PTPN13: variants seen among roughly 807,000 people sequenced by gnomAD.
The protein encoded by PTPN13 is tyrosine-protein phosphatase non-receptor type 13.
A neutral mutation model predicts 284.0 loss-of-function variants in PTPN13; 191 were observed. That is an observed-to-expected ratio of 0.67 (90% confidence interval 0.60 to 0.76). PTPN13 has a LOEUF of 0.76. Ranked by LOEUF, PTPN13 falls within the 30% of genes least tolerant of loss-of-function variation. The pLI is 0.00. For synonymous variants in PTPN13, 986 were observed against 1,022.3 expected (o/e 0.96, Z 0.68); for missense variants, 2,797 against 2,939.9 (o/e 0.95, Z 1.12).
At chr4:86,602,467 A>T (rs1439829071) in intron 1 of PTPN13, among the ~76,000 whole-genome samples, 2 of 149,578 alleles carry the variant, frequency 1.3e-5, no homozygotes, top group African/African-American at 4.9e-5. Flanking sequence ...TAGTATACTT[A>T]TATTTGATTT....
chr4:86,739,816 G>A (rs1197717422), intron 15 of PTPN13, among the ~76,000 whole-genome samples: 1 of 152,172 alleles, frequency 6.6e-6, no homozygotes, highest in Non-Finnish European at 1.5e-5. Flanking sequence ...GTACAATGGG[G>A]GTTACAGGCA....
chr4:86,597,814 C>A (rs946419259), intron 1 of PTPN13, among the ~76,000 whole-genome samples: 1 of 151,620 alleles, frequency 6.6e-6, no homozygotes, highest in Non-Finnish European at 1.5e-5. Context: ...TAGATTTAAA[C>A]CATAAACTTC....
chr4:86,810,459 A>ATT (rs1554352616), intron 46 of PTPN13, among the ~76,000 whole-genome samples: 2 of 151,850 alleles, frequency 1.3e-5, no homozygotes, highest in Admixed American at 6.6e-5. Flanking sequence ...TACATAAAAA[A>ATT]ATTACTATAA....
At chr4:86,673,715 T>C (rs1727962140) in intron 3 of PTPN13, among the ~76,000 whole-genome samples, 1 of 152,198 alleles carries the variant, frequency 6.6e-6, no homozygotes, top group South Asian at 2.1e-4. Context: ...GTTGTTGTTT[T>C]GTTTTGTTTT....
intron 6 of PTPN13, among the ~76,000 whole-genome samples, chr4:86,696,792 T>C (rs981657251): frequency 5.3e-5 from 8 of 152,022 alleles, no homozygotes; most frequent in African/African-American, 1.7e-4. Context: ...AATTAGTCAC[T>C]CAGGATTAAC....
At chr4:86,667,651 A>G (rs541871373) in intron 2 of PTPN13, among the ~76,000 whole-genome samples, 44 of 152,330 alleles carry the variant, frequency 2.9e-4, no homozygotes, top group African/African-American at 9.9e-4. Flanking sequence ...TTTTTAGGGA[A>G]TTCCATATTA....
intron 6 of PTPN13, among the ~76,000 whole-genome samples, chr4:86,696,236 G>A (rs1198220335): frequency 1.3e-5 from 2 of 151,868 alleles, no homozygotes. Context: ...TAGATGCTGG[G>A]GATAGGGAAA....
chr4:86,701,751 G>A lies in PTPN13; in HGVS notation c.1145G>A (p.Arg382Gln), dbSNP rs948141302. The change falls in exon 7 of 48, where the codon CGA becomes CAA. Residue 382 changes from arginine (R) to glutamine (Q), a missense_variant. Coordinates refer to ENST00000411767, the MANE Select transcript of PTPN13 (RefSeq NM_080683.3). Reference sequence around the variant, plus strand: ...ATATCAAGTGCTTTGGACCGAATCCGAGAGAGACAAAAGAAACTTCAGGTT... The same window carrying A: ...ATATCAAGTGCTTTGGACCGAATCCAAGAGAGACAAAAGAAACTTCAGGTT... ...SAISSALDRIRERQKKLQVLR... is the reference protein window; with the variant it reads ...SAISSALDRIQERQKKLQVLR... 2.0e-5 allele frequency: 32 copies of A among 1,613,310 alleles called. No homozygotes were observed. The highest frequency in any genetic ancestry group is 5.0e-5 in the Admixed American group (3 of 59,936).
intron 1 of PTPN13, among the ~76,000 whole-genome samples, chr4:86,595,355 A>G (rs536011586): frequency 5.3e-4 from 80 of 151,970 alleles, no homozygotes; most frequent in African/African-American, 1.9e-3. Flanking sequence ...TCTGCTTGCT[A>G]AAGTTAACAC....
At chr4:86,783,321 T>G (rs1254854141) in intron 37 of PTPN13, among the ~76,000 whole-genome samples, 1 of 152,180 alleles carries the variant, frequency 6.6e-6, no homozygotes, top group African/African-American at 2.4e-5. Flanking sequence ...TATTCTCTGT[T>G]TATTCAGAAT....
chr4:86,787,448 C>T (rs1278759419), intron 40 of PTPN13, among the ~76,000 whole-genome samples: 2 of 151,964 alleles, frequency 1.3e-5, no homozygotes, highest in Admixed American at 6.6e-5. Context: ...CAAAATTAGC[C>T]GGGCAAGGTG....
intron 3 of PTPN13, among the ~76,000 whole-genome samples, chr4:86,684,100 TA>T (rs3971792): frequency 0.014 from 1,991 of 137,670 alleles, 8 homozygotes; most frequent in Non-Finnish European, 0.018. Context: ...TAAGATATGT[TA>T]AAAAAAAAAA....
At chr4:86,631,957 A>G (rs1473696300) in intron 1 of PTPN13, among the ~76,000 whole-genome samples, 1 of 152,174 alleles carries the variant, frequency 6.6e-6, no homozygotes, top group Non-Finnish European at 1.5e-5. Context: ...ATATGTGTGT[A>G]TGTATGTATA....
At chr4:86,709,096 C>T (rs1321875955) in intron 7 of PTPN13, among the ~76,000 whole-genome samples, 1 of 152,008 alleles carries the variant, frequency 6.6e-6, no homozygotes, top group Non-Finnish European at 1.5e-5. Context: ...CAAACACACA[C>T]TTGTGTGGAT....
rs1763410126 is a variant in PTPN13 at position 86,594,617 on chromosome 4, C to T, written c.-178C>T. On this transcript the variant is annotated 5_prime_UTR_variant, in exon 1 of 48. Transcript: ENST00000411767. ...AGGAGGAGATGCTGCTCCTCTTCTC[C>T]CCCTCCCCAGGCTCCTTCTACAGCT... 1 of 152,180 alleles carries T rather than the reference C, an allele frequency of 6.6e-6. No homozygotes were observed. Among genetic ancestry groups the T allele is most frequent in the Non-Finnish European group, 1.5e-5 (1 of 68,070 alleles). The allele number at this position is 152,180 out of a possible 1,614,324, so 9.4% of individuals were successfully genotyped here. A position where few individuals can be genotyped will look rare whatever the true frequency, so the allele number is the denominator to read the frequency against.
At chr4:86,599,038 G>T (rs962763564) in intron 1 of PTPN13, among the ~76,000 whole-genome samples, 2 of 152,158 alleles carry the variant, frequency 1.3e-5, no homozygotes, top group Non-Finnish European at 2.9e-5. Context: ...GGGGATTACA[G>T]ATGTGAGCCA....
At chr4:86,669,926 C>T (rs777946015) in intron 2 of PTPN13, among the ~76,000 whole-genome samples, 18 of 151,886 alleles carry the variant, frequency 1.2e-4, no homozygotes, top group Admixed American at 5.9e-4. Context: ...AACTTAGATT[C>T]GGGACTTAGG....
At chr4:86,735,837 C>G in intron 15 of PTPN13, 91 bp downstream of exon 15, 2 of 1,153,050 alleles carry the variant, frequency 1.7e-6, no homozygotes, top group Non-Finnish European at 2.4e-6. Flanking sequence ...GTTCAAGTGC[C>G]AGTAACTGAT....
At chr4:86,627,017 T>C (rs1391708520) in intron 1 of PTPN13, among the ~76,000 whole-genome samples, 2 of 152,034 alleles carry the variant, frequency 1.3e-5, no homozygotes, top group African/African-American at 2.4e-5. Context: ...TGGTAAAATA[T>C]TTTGCAGCCT....
Sources: gnomAD v4.1 joint callset for allele counts (sites outside exome capture counted in the v4.1 genomes callset) on GRCh38, gnomAD v4.1.1 for gene constraint, MANE v1.5 for transcripts, NCBI Gene and HGNC (gene_info 2026-07-23, HGNC 2026-07-21) for gene names.